TMEM200A: variants seen among roughly 807,000 people sequenced by gnomAD.
TMEM200A encodes the protein two transmembrane C.
Under a neutral mutation model 24.3 loss-of-function variants are expected in TMEM200A, and 12 were observed. The ratio of observed to expected loss-of-function variants is 0.49; its 90% CI spans 0.32 to 0.80. The LOEUF is 0.80. TMEM200A is among the 30% of genes least tolerant of loss of function. TMEM200A has a pLI of 0.04. For synonymous variants in TMEM200A, 224 were observed against 224.4 expected (o/e 1.00, Z 0.02); for missense variants, 545 against 614.4 (o/e 0.89, Z 1.19).
At chr6:130,380,051 T>C (rs1363171236) in intron 1 of TMEM200A, among the ~76,000 whole-genome samples, 1 of 152,202 alleles carries the variant, frequency 6.6e-6, no homozygotes, top group African/African-American at 2.4e-5. Flanking sequence ...TTTTGAATAT[T>C]TGGGTTCAGT....
At chr6:130,382,690 C>G (rs2115092390) in intron 1 of TMEM200A, among the ~76,000 whole-genome samples, 1 of 151,900 alleles carries the variant, frequency 6.6e-6, no homozygotes, top group Non-Finnish European at 1.5e-5. Flanking sequence ...TTTTTTTTTC[C>G]TTTAGTGATT....
intron 2 of TMEM200A, among the ~76,000 whole-genome samples, chr6:130,428,979 C>T (rs150524444): frequency 4.0e-5 from 6 of 151,798 alleles, no homozygotes; most frequent in African/African-American, 1.5e-4. Flanking sequence ...ACAATAGAAA[C>T]TCAATGACAG....
At chr6:130,417,568 G>A (rs1218522380) in intron 2 of TMEM200A, among the ~76,000 whole-genome samples, 1 of 152,088 alleles carries the variant, frequency 6.6e-6, no homozygotes, top group African/African-American at 2.4e-5. Context: ...ATCTAGAACA[G>A]ATTTTTCCTC....
chr6:130,401,494 CCTTT>C (rs1441438537), intron 2 of TMEM200A, among the ~76,000 whole-genome samples: 4 of 145,550 alleles, frequency 2.7e-5, no homozygotes, highest in Non-Finnish European at 6.0e-5. Context: ...TCTCTCTCTT[CCTTT>C]CTCTCTTTCT....
At chr6:130,395,271 G>A (rs985979034) in intron 2 of TMEM200A, among the ~76,000 whole-genome samples, 6 of 152,182 alleles carry the variant, frequency 3.9e-5, no homozygotes, top group Non-Finnish European at 5.9e-5. Flanking sequence ...TAGAAAAGAG[G>A]TCATTTCAGT....
At chr6:130,425,522 T>C (rs996139587) in intron 2 of TMEM200A, among the ~76,000 whole-genome samples, 4 of 152,186 alleles carry the variant, frequency 2.6e-5, no homozygotes, top group Non-Finnish European at 4.4e-5. Context: ...AGACACACCA[T>C]AAATATATTA....
intron 2 of TMEM200A, among the ~76,000 whole-genome samples, chr6:130,434,621 G>A (rs1779956850): frequency 6.6e-6 from 1 of 152,134 alleles, no homozygotes; most frequent in Non-Finnish European, 1.5e-5. Context: ...GTAAAGGACA[G>A]CAATAAGGCT....
At chr6:130,414,734 T>C (rs1416241462) in intron 2 of TMEM200A, among the ~76,000 whole-genome samples, 1 of 152,200 alleles carries the variant, frequency 6.6e-6, no homozygotes, top group Non-Finnish European at 1.5e-5. Context: ...CCAAGTCCAG[T>C]TCTCTGGATT....
At position 130,366,129 on chromosome 6, in the gene TMEM200A, CTGCGCCCGG is replaced by C. The variant is rs1435053365; in HGVS notation, c.-472_-464del. 12 of 985,324 alleles carry C rather than the reference CTGCGCCCGG, an allele frequency of 1.2e-5. No individual in the cohort carries two copies. The highest frequency in any genetic ancestry group is 1.4e-5 in the Non-Finnish European group (12 of 829,960). The allele number at this position is 985,324 out of a possible 1,614,324, so 61.0% of individuals were successfully genotyped here. ...GACTCCCTCTCCCCTGCCCGGCTTG[CTGCGCCCGG>C]TGCCCTCCGAGGGCAGGCGCGCCTG... On this transcript the variant is annotated 5_prime_UTR_variant, in exon 1 of 3. Coordinates refer to ENST00000296978, the MANE Select transcript of TMEM200A (RefSeq NM_001258277.2). The surrounding 1 kb of genome is among the most constrained non-coding windows in gnomAD (Gnocchi z 4.4).
At chr6:130,400,537 G>A (rs962295669) in intron 2 of TMEM200A, among the ~76,000 whole-genome samples, 3 of 149,036 alleles carry the variant, frequency 2.0e-5, no homozygotes, top group Admixed American at 6.7e-5. Flanking sequence ...TTTTAATTGT[G>A]AGCTTATCTT....
chr6:130,370,254 G>A (rs1778287802), intron 1 of TMEM200A, among the ~76,000 whole-genome samples: 1 of 152,076 alleles, frequency 6.6e-6, no homozygotes, highest in African/African-American at 2.4e-5. Context: ...TCTCTTCCAG[G>A]TCCCATTTTT....
rs148116379 is a variant in TMEM200A at position 130,410,570 on chromosome 6, A to G, written c.-17+25334A>G. Among the ~76,000 whole-genome samples the G allele has an allele frequency of 3.0e-3, 450 of 152,302 alleles. 1 individual carries two copies. The highest frequency in any genetic ancestry group is 5.1e-3 in the Non-Finnish European group (344 of 68,012). On this transcript the variant is annotated intron_variant, in intron 2 of 2. Transcript: ENST00000296978. ...TTTTGGTGAAAAGATTTCATATGGTATCATAATTTTGTAGTATTTAGAACC... is the reference window on the plus strand; with the variant it reads ...TTTTGGTGAAAAGATTTCATATGGTGTCATAATTTTGTAGTATTTAGAACC...
intron 2 of TMEM200A, among the ~76,000 whole-genome samples, chr6:130,411,646 A>G (rs1192533285): frequency 6.6e-6 from 1 of 152,100 alleles, no homozygotes; most frequent in Non-Finnish European, 1.5e-5. Flanking sequence ...ACTTTCATAA[A>G]CTGGAAGGGC....
At chr6:130,381,618 C>CAA (rs1778597532) in intron 1 of TMEM200A, among the ~76,000 whole-genome samples, 1 of 152,220 alleles carries the variant, frequency 6.6e-6, no homozygotes, top group Non-Finnish European at 1.5e-5. Context: ...GTTTCTGTGA[C>CAA]AACTGCAGAA....
intron 2 of TMEM200A, among the ~76,000 whole-genome samples, chr6:130,385,576 A>T (rs756241850): frequency 2.4e-4 from 37 of 152,140 alleles, no homozygotes; most frequent in South Asian, 1.2e-3. Flanking sequence ...TTTTCTCTCC[A>T]CTCAAATCCC....
intron 2 of TMEM200A, among the ~76,000 whole-genome samples, chr6:130,415,975 T>C (rs1779439808): frequency 6.6e-6 from 1 of 152,194 alleles, no homozygotes; most frequent in Non-Finnish European, 1.5e-5. Context: ...TTTTTTCTTT[T>C]TATCATTAAA....
chr6:130,434,812 G>T (rs1270058184), intron 2 of TMEM200A, among the ~76,000 whole-genome samples: 1 of 152,130 alleles, frequency 6.6e-6, no homozygotes, highest in Admixed American at 6.5e-5. Flanking sequence ...CAGACAGTGG[G>T]CTTGAGTGCG....
chr6:130,440,365 A>C, intron 2 of TMEM200A, 42 bp from the exon 3 acceptor site: 1 of 1,492,204 alleles, frequency 6.7e-7, no homozygotes, highest in South Asian at 1.5e-5. Flanking sequence ...TACCCCAGGA[A>C]CATATTTACA....
At chr6:130,392,176 T>A (rs918479602) in intron 2 of TMEM200A, among the ~76,000 whole-genome samples, 1 of 152,232 alleles carries the variant, frequency 6.6e-6, no homozygotes, top group Admixed American at 6.5e-5. Context: ...TTGATACTGA[T>A]CTTCCAGTGT....
Sources: allele counts gnomAD v4.1 joint callset (sites outside exome capture counted in the v4.1 genomes callset), GRCh38; gene constraint gnomAD v4.1.1; non-coding constraint Gnocchi (gnomAD v3.1); transcripts MANE v1.5; gene names NCBI Gene and HGNC (gene_info 2026-07-23, HGNC 2026-07-21).